Variants in FAM162B observed in about 807,000 individuals in gnomAD.
FAM162B encodes the protein family with sequence similarity 162 member B.
Under a neutral mutation model 20.0 loss-of-function variants are expected in FAM162B, and 16 were observed. The ratio of observed to expected loss-of-function variants is 0.80; its 90% CI spans 0.54 to 1.21. The LOEUF is 1.21. Among genes scored for constraint, FAM162B ranks in the 50% most tolerant of loss-of-function variants. The pLI, the probability that FAM162B is intolerant of heterozygous loss-of-function variation, is 0.00. For missense variants in FAM162B, 260 were observed against 227.5 expected, an observed-to-expected ratio of 1.14 and a Z score of -0.92; for synonymous variants, 83 against 89.7, an observed-to-expected ratio of 0.93 and a Z score of 0.42.
chr6:116,759,363 A>G (rs575720785), intron 3 of FAM162B, among the ~76,000 whole-genome samples: 109 of 147,288 alleles, frequency 7.4e-4, no homozygotes, highest in Non-Finnish European at 1.2e-3. Flanking sequence ...GTGCAGTGGC[A>G]CAATCTCGGA....
At chr6:116,757,705 T>C (rs1460609722) in intron 3 of FAM162B, among the ~76,000 whole-genome samples, 2 of 145,242 alleles carry the variant, frequency 1.4e-5, no homozygotes, top group African/African-American at 2.6e-5. Context: ...GCCAAGATCA[T>C]GCCACTGCAC....
chr6:116,759,810 T>C (rs1304210458), intron 3 of FAM162B, among the ~76,000 whole-genome samples: 3 of 152,132 alleles, frequency 2.0e-5, no homozygotes, highest in African/African-American at 4.8e-5. Context: ...CCATCCACAC[T>C]AGCTCCTTTT....
intron 3 of FAM162B, 62 bp from the exon 4 acceptor site, chr6:116,752,757 TAC>T: frequency 6.4e-6 from 3 of 466,936 alleles, no homozygotes; most frequent in Non-Finnish European, 6.2e-6. Flanking sequence ...TATATATATA[TAC>T]ATATATGTAT....
At chr6:116,754,444 G>A (rs1359537042) in intron 3 of FAM162B, among the ~76,000 whole-genome samples, 1 of 152,146 alleles carries the variant, frequency 6.6e-6, no homozygotes, top group Non-Finnish European at 1.5e-5. Flanking sequence ...TAAATAAACA[G>A]TCTTCAAAGT....
rs1399126954 is a variant in FAM162B, at chr6:116,752,714, ATATATATATATATATATATAGATACACG to A, written c.391-47_391-20del. On this transcript the variant is annotated intron_variant, in intron 3 of 3. Transcript: ENST00000368557. ...CTACAGCCTGTGGGGGGGAAGAAATATATATATATATATATATATAGATACACGTATATATATATATATACATATATGT... is the reference window on the plus strand; with the variant it reads ...CTACAGCCTGTGGGGGGGAAGAAATATATATATATATATATACATATATGT... 8.1e-6 allele frequency: 1 copy of A among 123,558 alleles called. No individual in the cohort carries two copies. Among genetic ancestry groups the A allele is most frequent in the African/African-American group, 1.2e-4 (1 of 8,498 alleles). The allele number at this position is 123,558 out of a possible 1,614,324, so 7.7% of individuals were successfully genotyped here.
At chr6:116,758,926 T>G (rs1264091836) in intron 3 of FAM162B, among the ~76,000 whole-genome samples, 1 of 152,210 alleles carries the variant, frequency 6.6e-6, no homozygotes, top group African/African-American at 2.4e-5. Context: ...ATTATTGTTG[T>G]TGTTTTGTTT....
intron 3 of FAM162B, among the ~76,000 whole-genome samples, chr6:116,754,323 G>C (rs980156361): frequency 2.0e-5 from 3 of 152,136 alleles, no homozygotes; most frequent in Admixed American, 1.3e-4. Context: ...ATTCAGCACT[G>C]ATTCGGCAGA....
Position 116,752,711 on chromosome 6 carries a change from A to AATATATATATATAT in FAM162B, c.391-30_391-17dup, listed in dbSNP as rs10556522. ...GTTCTACAGCCTGTGGGGGGGAAGA[A>AATATATATATATAT]ATATATATATATATATATATATAGA... On this transcript the variant is annotated splice_polypyrimidine_tract_variant and intron_variant, in intron 3 of 3. Transcript: ENST00000368557. 229 of 481,472 alleles carry AATATATATATATAT rather than the reference A, an allele frequency of 4.8e-4. 7 individuals are homozygous for AATATATATATATAT. In the African/African-American group the frequency reaches 5.0e-3, roughly 11 times the overall value. 29.8% of individuals were successfully genotyped at this position (481,472 alleles called of 1,614,324 possible). A position where few individuals can be genotyped will look rare whatever the true frequency, so the allele number is the denominator to read the frequency against.
rs1285970976 is a variant in FAM162B at position 116,752,629 on chromosome 6, CT to C, written c.456del (p.Ala153LeufsTer20). On this transcript the variant is annotated frameshift_variant, in exon 4 of 4. Transcript: ENST00000368557. LOFTEE classifies it high-confidence loss of function. ...NLAKKAKWRE[E>X]AALAAQAKAK ...GCTTTAGCCTGTGCAGCCAATGCAG[CT>C]TCTTCACGCCACTTAGCTTTCTTTG... 1 of 1,594,884 alleles carries C rather than the reference CT, an allele frequency of 6.3e-7. No homozygotes were observed. Among genetic ancestry groups the C allele is most frequent in the African/African-American group, 1.4e-5 (1 of 73,968 alleles).
chr6:116,757,192 T>C (rs1009011297), intron 3 of FAM162B, among the ~76,000 whole-genome samples: 2 of 152,156 alleles, frequency 1.3e-5, no homozygotes, highest in African/African-American at 4.8e-5. Flanking sequence ...GCATAGTTGG[T>C]GGATAAAATT....
intron 3 of FAM162B, among the ~76,000 whole-genome samples, chr6:116,756,277 G>A (rs1487669921): frequency 1.3e-5 from 2 of 152,154 alleles, no homozygotes; most frequent in Admixed American, 6.5e-5. Flanking sequence ...TAACTTTGAG[G>A]GGTTCAAGCC....
In FAM162B at chr6:116,765,158, C is replaced by T. The variant is rs778157484; in HGVS notation, c.270G>A (p.Pro90=). The T allele has an allele frequency of 6.2e-7, 1 of 1,613,504 alleles. No individual in the cohort carries two copies. The highest frequency in any genetic ancestry group is 1.3e-5 in the African/African-American group (1 of 75,046). The change falls in exon 2 of 4, where the codon CCG becomes CCA. Residue 90 remains proline (P), a synonymous_variant. Coordinates refer to ENST00000368557, the MANE Select transcript of FAM162B (RefSeq NM_001085480.3). ...GTCGCCACACTTACGGGATCCGAGG[C>T]GGGATCTCCTCCATCGATTTGAAAC... ...TGRFKSMEEI[P]PRIPPEMIDT... is the part of the protein sequence containing the mutation.
At chr6:116,761,317 G>A (rs1469012746) in intron 3 of FAM162B, among the ~76,000 whole-genome samples, 3 of 152,066 alleles carry the variant, frequency 2.0e-5, no homozygotes, top group African/African-American at 7.2e-5. Context: ...AGAAAGGCAA[G>A]GAAAGGGCTG....
intron 3 of FAM162B, among the ~76,000 whole-genome samples, chr6:116,757,054 G>T (rs962625511): frequency 6.6e-6 from 1 of 152,026 alleles, no homozygotes; most frequent in Non-Finnish European, 1.5e-5. Flanking sequence ...AACAATTTAT[G>T]GGGTTTTGAA....
rs1247021923 is a variant in FAM162B, at chr6:116,752,605, C to A, written c.481G>T (p.Ala161Ser). Reference protein sequence around the residue: ...EEAALAAQAKAK With the variant: ...EEAALAAQAKSK ...CTTTGTCACTTAGAATATCATTTAG[C>A]TTTAGCCTGTGCAGCCAATGCAGCT... The change falls in exon 4 of 4, where the codon GCT (alanine) becomes TCT (serine). Residue 161 changes from alanine to serine, a missense_variant. By Grantham distance (99) the Ala-to-Ser change is moderately conservative (BLOSUM62 1). Transcript: ENST00000368557. 1 of 1,589,260 alleles carries A rather than the reference C, an allele frequency of 6.3e-7. No homozygotes were observed. The highest frequency in any genetic ancestry group is 1.1e-5 in the South Asian group (1 of 87,458).
intron 2 of FAM162B, among the ~76,000 whole-genome samples, chr6:116,762,944 A>C (rs922296695): frequency 3.9e-5 from 6 of 152,124 alleles, no homozygotes; most frequent in Non-Finnish European, 7.4e-5. Context: ...ATTCATTGGT[A>C]TTCTTTCCTC....
intron 3 of FAM162B, among the ~76,000 whole-genome samples, chr6:116,761,246 A>T (rs1334198062): frequency 1.3e-5 from 2 of 152,166 alleles, no homozygotes; most frequent in African/African-American, 2.4e-5. Flanking sequence ...CAGAAAACAA[A>T]ATTAGAGGGT....
intron 2 of FAM162B, 100 bp downstream of exon 2, chr6:116,765,047 G>C (rs747309161): frequency 9.1e-7 from 1 of 1,099,016 alleles, no homozygotes; most frequent in South Asian, 1.3e-5. Context: ...TGGCACTGCG[G>C]CCGCTTTCGC....
chr6:116,761,329 C>T (rs879199625), intron 3 of FAM162B, among the ~76,000 whole-genome samples: 1 of 152,170 alleles, frequency 6.6e-6, no homozygotes, highest in Admixed American at 6.5e-5. Context: ...AAAGGGCTGA[C>T]ATAAAGGATC....
Sources: allele counts gnomAD v4.1 joint callset (sites outside exome capture counted in the v4.1 genomes callset), GRCh38; gene constraint gnomAD v4.1.1; transcripts MANE v1.5; gene names NCBI Gene and HGNC (gene_info 2026-07-23, HGNC 2026-07-21).